Variants in DTNA observed in about 807,000 individuals in gnomAD.
The protein encoded by DTNA is dystrophin-related protein 3.
A neutral mutation model predicts 100.7 loss-of-function variants in DTNA; 43 were observed. The ratio of observed to expected loss-of-function variants is 0.43; its 90% CI spans 0.33 to 0.55. The LOEUF is 0.55. DTNA is among the 20% of genes least tolerant of loss of function. The probability of loss-of-function intolerance (pLI) is 0.04; values close to 1 mark genes in which losing one functional copy is unlikely to be tolerated. For synonymous variants in DTNA, 349 were observed against 347.9 expected (o/e 1.00, Z -0.04); for missense variants, 798 against 953.9 (o/e 0.84, Z 2.15).
Position 34,875,255 on chromosome 18 carries a change from C to A in DTNA, c.1760C>A (p.Ser587Tyr), listed in dbSNP as rs766127967. ...TCTCTCCAGACTCAGGGGGCAGGCTCTCCCCGCTCCTCCCCCAGCCACACC... is the reference window on the plus strand; with the variant it reads ...TCTCTCCAGACTCAGGGGGCAGGCTATCCCCGCTCCTCCCCCAGCCACACC... ...MKLLKTQGAG[S>Y]PRSSPSHTIS... Residue 587 changes from serine (S) to tyrosine (Y), a missense_variant, in exon 18 of 23, where the codon TCT becomes TAT. By Grantham distance (144) the Ser-to-Tyr change is moderately radical. Transcript: ENST00000444659. 30 of 1,613,908 alleles carry A rather than the reference C, an allele frequency of 1.9e-5. No homozygotes were observed. The South Asian group carries it at 3.3e-4, about 18-fold the overall frequency.
intron 1 of DTNA, among the ~76,000 whole-genome samples, chr18:34,634,999 G>C (rs1449802927): frequency 6.6e-6 from 1 of 152,060 alleles, no homozygotes; most frequent in East Asian, 1.9e-4. Flanking sequence ...CCTCCTAACT[G>C]AAATGTATCC....
intron 1 of DTNA, among the ~76,000 whole-genome samples, chr18:34,597,207 A>G (rs1465883170): frequency 6.6e-6 from 1 of 152,008 alleles, no homozygotes; most frequent in African/African-American, 2.4e-5. Context: ...GCTGTGCAGT[A>G]TTATTTGTCC....
chr18:34,591,863 C>A (rs1451083760), intron 1 of DTNA, among the ~76,000 whole-genome samples: 4 of 152,098 alleles, frequency 2.6e-5, no homozygotes, highest in Non-Finnish European at 4.4e-5. Context: ...TATGGGGCAT[C>A]AAAATATCAC....
intron 1 of DTNA, among the ~76,000 whole-genome samples, chr18:34,633,057 C>A (rs142807239): frequency 6.6e-6 from 1 of 152,106 alleles, no homozygotes; most frequent in Middle Eastern, 3.2e-3. Context: ...CATTCCAGAG[C>A]CATATTTGAT....
chr18:34,718,715 G>T (rs1241442534), intron 1 of DTNA, among the ~76,000 whole-genome samples: 5 of 152,158 alleles, frequency 3.3e-5, no homozygotes, highest in African/African-American at 7.2e-5. Flanking sequence ...AAAGGAGAAA[G>T]GTATTACTGA....
chr18:34,506,862 G>A (rs1352688073), intron 1 of DTNA, among the ~76,000 whole-genome samples: 1 of 152,142 alleles, frequency 6.6e-6, no homozygotes, highest in African/African-American at 2.4e-5. Context: ...TACTTAGTAA[G>A]AAGAGTAGGG....
At chr18:34,544,008 G>A (rs1332738120) in intron 1 of DTNA, among the ~76,000 whole-genome samples, 1 of 152,106 alleles carries the variant, frequency 6.6e-6, no homozygotes, top group African/African-American at 2.4e-5. Context: ...AGCTGTGAAA[G>A]CAATAGATTC....
chr18:34,870,976 T>C (rs777041592), intron 17 of DTNA, among the ~76,000 whole-genome samples: 2 of 152,178 alleles, frequency 1.3e-5, no homozygotes, highest in African/African-American at 2.4e-5. Flanking sequence ...ATCATCAGTG[T>C]GATGATAGCC....
intron 2 of DTNA, among the ~76,000 whole-genome samples, chr18:34,758,341 C>A (rs945263649): frequency 6.6e-6 from 1 of 152,198 alleles, no homozygotes; most frequent in African/African-American, 2.4e-5. Context: ...CAATGAGATT[C>A]TTTGCTTTAG....
chr18:34,619,187 T>A (rs1287008896), intron 1 of DTNA, among the ~76,000 whole-genome samples: 1 of 152,186 alleles, frequency 6.6e-6, no homozygotes, highest in East Asian at 1.9e-4. Context: ...AAGCCTAAGA[T>A]GTGTTGTAAT....
In DTNA at chr18:34,844,851, C is replaced by T. The variant is rs181997385; in HGVS notation, c.1347-3445C>T. Among the ~76,000 whole-genome samples the T allele has an allele frequency of 2.1e-4, 32 of 152,230 alleles. No individual in the cohort carries two copies. The East Asian group carries it at 4.4e-3, about 21-fold the overall frequency. On this transcript the variant is annotated intron_variant, in intron 13 of 22. Transcript: ENST00000444659. The stretch of plus-strand genomic sequence containing the variant: ...TTGCTAAATCACACTTTCATAAGCC[C>T]TAGCTCAGCTGGGGCCACTTGAGTT...
At chr18:34,693,145 A>G (rs2080020525) in intron 1 of DTNA, among the ~76,000 whole-genome samples, 2 of 152,218 alleles carry the variant, frequency 1.3e-5, no homozygotes, top group African/African-American at 2.4e-5. Flanking sequence ...GGCAGCATTT[A>G]TACTTATAAT....
intron 1 of DTNA, among the ~76,000 whole-genome samples, chr18:34,623,734 A>G (rs1047035081): frequency 6.6e-6 from 1 of 152,242 alleles, no homozygotes; most frequent in African/African-American, 2.4e-5. Context: ...AACTAAGAGT[A>G]GGCTAATGGT....
rs762574309 is a variant in DTNA at position 34,802,841 on chromosome 18, T to C, written c.363-3378T>C. On this transcript the variant is annotated intron_variant, in intron 4 of 22. Transcript: ENST00000444659. ...TTCATCACAAATTTTTTTCAACCAT[T>C]ATTTCCTACTCACAATACAACTGTG... Among the ~76,000 whole-genome samples, 146 of 152,190 alleles carry C rather than the reference T, an allele frequency of 9.6e-4. 4 individuals carry two copies. Among genetic ancestry groups the C allele is most frequent in the Non-Finnish European group, 2.1e-4 (14 of 68,032 alleles).
chr18:34,587,202 T>C (rs1435895419), intron 1 of DTNA, among the ~76,000 whole-genome samples: 1 of 151,596 alleles, frequency 6.6e-6, no homozygotes, highest in Non-Finnish European at 1.5e-5. Flanking sequence ...CTAAAAATCT[T>C]TATTTCTTTT....
chr18:34,664,971 ATCTTCT>A (rs897941629), intron 1 of DTNA, among the ~76,000 whole-genome samples: 1 of 150,888 alleles, frequency 6.6e-6, no homozygotes, highest in African/African-American at 2.4e-5. Context: ...TCTATCTTCT[ATCTTCT>A]TCTTCTTCTT....
intron 1 of DTNA, among the ~76,000 whole-genome samples, chr18:34,633,216 T>C (rs906405520): frequency 1.3e-5 from 2 of 152,172 alleles, no homozygotes; most frequent in African/African-American, 4.8e-5. Flanking sequence ...GAACTCAGAA[T>C]ACAATGCTAG....
At chr18:34,729,109 G>T (rs1169287692) in intron 1 of DTNA, among the ~76,000 whole-genome samples, 1 of 152,176 alleles carries the variant, frequency 6.6e-6, no homozygotes, top group African/African-American at 2.4e-5. Flanking sequence ...TGATGTCAAT[G>T]TCAATGGCAG....
Position 34,875,516 on chromosome 18 carries a change from C to T in DTNA, c.1903+118C>T, listed in dbSNP as rs945192956. 2.7e-6 allele frequency: 4 copies of T among 1,460,970 alleles called. No homozygotes were observed. The South Asian group carries it at 4.8e-5, about 17-fold the overall frequency. 90.5% of individuals were successfully genotyped at this position (1,460,970 alleles called of 1,614,324 possible). A position where few individuals can be genotyped will look rare whatever the true frequency, so the allele number is the denominator to read the frequency against. ...GTGACTATTGTAGGGTCTTTCATGG[C>T]TGGTGTCAGAGCCTGGCCTGCCAGC... On this transcript the variant is annotated intron_variant, in intron 18 of 22. Coordinates refer to ENST00000444659, the MANE Select transcript of DTNA (RefSeq NM_001386795.1).
Sources: gnomAD v4.1 joint callset for allele counts (sites outside exome capture counted in the v4.1 genomes callset) on GRCh38, gnomAD v4.1.1 for gene constraint, MANE v1.5 for transcripts, NCBI Gene and HGNC (gene_info 2026-07-23, HGNC 2026-07-21) for gene names.